Variants in FKBP5 observed in about 807,000 individuals in gnomAD.
The protein encoded by FKBP5 is peptidyl-prolyl cis-trans isomerase FKBP5.
A neutral mutation model predicts 50.5 loss-of-function variants in FKBP5; 23 were observed. That is an observed-to-expected ratio of 0.46 (90% CI 0.33 to 0.65). FKBP5 has a LOEUF of 0.65. Ranked by LOEUF, FKBP5 falls within the 30% of genes least tolerant of loss-of-function variation. The pLI is 0.02. For synonymous variants in FKBP5, 176 were observed against 190.6 expected (o/e 0.92, Z 0.63); for missense variants, 411 against 553.1 (o/e 0.74, Z 2.58).
chr6:35,630,013 G>A (rs1482890644), intron 3 of FKBP5, among the ~76,000 whole-genome samples: 1 of 152,124 alleles, frequency 6.6e-6, no homozygotes, highest in Non-Finnish European at 1.5e-5. Context: ...ACTCATGCTT[G>A]TAATCCCAGC....
At chr6:35,580,491 C>G in intron 8 of FKBP5, 1 of 211,096 alleles carries the variant, frequency 4.7e-6, no homozygotes, top group Non-Finnish European at 8.7e-6. Flanking sequence ...AGCAAGGCTT[C>G]TGGGCTATGT....
At chr6:35,596,844 T>G (rs1466681129) in intron 6 of FKBP5, among the ~76,000 whole-genome samples, 1 of 152,110 alleles carries the variant, frequency 6.6e-6, no homozygotes, top group Admixed American at 6.5e-5. Flanking sequence ...TGGCACAAGT[T>G]CAAGTGGTAG....
intron 2 of FKBP5, 69 bp downstream of exon 2, chr6:35,642,651 C>T: frequency 2.5e-6 from 3 of 1,223,310 alleles, no homozygotes; most frequent in Admixed American, 3.8e-5. Flanking sequence ...CAGCCCCCCT[C>T]AGAAAGAGAT....
At position 35,603,681 on chromosome 6, in the gene FKBP5, CAA is replaced by C. The variant is rs550710108; in HGVS notation, c.509-6279_509-6278del. Among the ~76,000 whole-genome samples the C allele has an allele frequency of 3.1e-3, 474 of 150,798 alleles. 2 individuals are homozygous for C. The highest frequency in any genetic ancestry group is 7.5e-3 in the African/African-American group (308 of 41,000). Reference sequence around the variant, plus strand: ...ACAACAACAACAGCAGCAGCAGCAACAAAAGACTGTTTTCTTTCTTTTTTTGA... The same window carrying C: ...ACAACAACAACAGCAGCAGCAGCAACAAGACTGTTTTCTTTCTTTTTTTGA... On this transcript the variant is annotated intron_variant, in intron 5 of 10. Transcript: ENST00000357266.
At chr6:35,589,285 C>T (rs1189061172) in intron 7 of FKBP5, among the ~76,000 whole-genome samples, 1 of 151,276 alleles carries the variant, frequency 6.6e-6, no homozygotes, top group Non-Finnish European at 1.5e-5. Flanking sequence ...CCTGCCACCA[C>T]GTCCAGCTAA....
At chr6:35,597,429 C>A in intron 5 of FKBP5, 25 bp from the exon 6 acceptor site, 1 of 1,605,066 alleles carries the variant, frequency 6.2e-7, no homozygotes, top group South Asian at 1.1e-5. Flanking sequence ...ACAGGAGAGT[C>A]AACAGAGCTG....
At chr6:35,578,915 T>C (rs903745661) in intron 9 of FKBP5, among the ~76,000 whole-genome samples, 8 of 152,124 alleles carry the variant, frequency 5.3e-5, no homozygotes, top group Middle Eastern at 3.4e-3. Context: ...CCTCACAACT[T>C]TAATCCCAGC....
intron 1 of FKBP5, among the ~76,000 whole-genome samples, chr6:35,724,929 A>G (rs539623071): frequency 1.4e-4 from 22 of 152,190 alleles, no homozygotes; most frequent in African/African-American, 5.1e-4. Flanking sequence ...GTAAATAAAG[A>G]CCTGAACCTC....
exon 2 of FKBP5, chr6:35,720,437 AC>A (rs1173345591): frequency 2.6e-5 from 4 of 152,788 alleles, no homozygotes; most frequent in African/African-American, 9.6e-5. Context: ...CCTTGCACAC[AC>A]AGGGCTGGGG....
At chr6:35,630,349 C>T (rs893976895) in intron 3 of FKBP5, among the ~76,000 whole-genome samples, 1 of 152,030 alleles carries the variant, frequency 6.6e-6, no homozygotes, top group Non-Finnish European at 1.5e-5. Flanking sequence ...GAGATTGAGA[C>T]CATCCTCGCC....
At chr6:35,626,221 C>G (rs1205325601) in intron 3 of FKBP5, among the ~76,000 whole-genome samples, 2 of 151,944 alleles carry the variant, frequency 1.3e-5, no homozygotes, top group African/African-American at 4.8e-5. Flanking sequence ...ATAGCTATTA[C>G]TAAATTTAAA....
chr6:35,604,626 C>G (rs969869368), intron 5 of FKBP5, among the ~76,000 whole-genome samples: 4 of 152,006 alleles, frequency 2.6e-5, no homozygotes, highest in African/African-American at 9.7e-5. Flanking sequence ...ATTTTTGGTA[C>G]CTTTTTGATT....
intron 1 of FKBP5, among the ~76,000 whole-genome samples, chr6:35,663,219 C>T (rs1397107917): frequency 6.6e-6 from 1 of 152,158 alleles, no homozygotes; most frequent in East Asian, 1.9e-4. Flanking sequence ...ACAGGGCAAA[C>T]GGTACAGAAA....
At chr6:35,663,801 A>C (rs1765140763) in intron 1 of FKBP5, among the ~76,000 whole-genome samples, 1 of 152,224 alleles carries the variant, frequency 6.6e-6, no homozygotes, top group African/African-American at 2.4e-5. Flanking sequence ...AAAATCGACT[A>C]TAATCAGCCC....
intron 3 of FKBP5, among the ~76,000 whole-genome samples, chr6:35,635,334 T>C (rs1764279212): frequency 1.3e-5 from 2 of 151,962 alleles, no homozygotes; most frequent in South Asian, 2.1e-4. Flanking sequence ...GAGCCAGACA[T>C]GGTGGCATGC....
At chr6:35,620,904 G>A (rs1581823670) in intron 3 of FKBP5, among the ~76,000 whole-genome samples, 1 of 152,116 alleles carries the variant, frequency 6.6e-6, no homozygotes, top group Middle Eastern at 3.4e-3. Flanking sequence ...TATAATAAGC[G>A]CAAATTTTCT....
In FKBP5 at chr6:35,619,471, C is replaced by T. The variant is rs578124210; in HGVS notation, c.394-261G>A. Among the ~76,000 whole-genome samples, 8 of 151,960 alleles carry T rather than the reference C, an allele frequency of 5.3e-5. No individual in the cohort carries two copies. The East Asian group carries it at 1.2e-3, about 22-fold the overall frequency. ...GACTGCAGTGCAAAGATAGGAAATA[C>T]TAGGAAAACTACCCTGTGGGCAAAA... On this transcript the variant is annotated intron_variant, in intron 4 of 10. Transcript: ENST00000357266.
At chr6:35,581,742 G>A (rs1160503259) in intron 8 of FKBP5, 2 of 985,374 alleles carry the variant, frequency 2.0e-6, no homozygotes, top group African/African-American at 1.7e-5. Context: ...CTTTGAGGAG[G>A]TGATAAGCTC....
rs183347446 is a variant in FKBP5 at position 35,720,052 on chromosome 6, T to C, written c.-20+276A>G. On this transcript the variant is annotated intron_variant, in intron 2 of 11. Transcript: ENST00000536438. ...TTTAAAACTAGAAGCAGCTCGGCAG[T>C]TGGGGGCTAGGGCGGGGTGGGAGAG... is the stretch of plus-strand genomic sequence containing the variant. 6.8e-3 allele frequency among the ~76,000 whole-genome samples: 1,037 copies of C among 152,208 alleles called. 5 individuals are homozygous for C. Among genetic ancestry groups the C allele is most frequent in the Non-Finnish European group, 0.011 (740 of 67,990 alleles).
Sources: gnomAD v4.1 joint callset for allele counts (sites outside exome capture counted in the v4.1 genomes callset) on GRCh38, gnomAD v4.1.1 for gene constraint, MANE v1.5 for transcripts, NCBI Gene and HGNC (gene_info 2026-07-23, HGNC 2026-07-21) for gene names.